The following LARP1B variants were observed in gnomAD, a reference collection of about 807,000 sequenced individuals.
LARP1B encodes the protein La ribonucleoprotein 1B, also known as la-related protein 1B.
LARP1B carries 76 observed loss-of-function variants against 114.2 expected under a neutral mutation model. The observed-to-expected ratio is 0.67, with a 90% confidence interval of 0.55 to 0.81. The LOEUF (loss-of-function observed/expected upper bound fraction) is 0.81. LARP1B is among the 30% of genes least tolerant of loss of function. The pLI, the probability that LARP1B is intolerant of heterozygous loss-of-function variation, is 0.00. For missense variants in LARP1B, 1,014 were observed against 1,075.8 expected (o/e 0.94, Z 0.80); for synonymous variants, 345 against 348.0 (o/e 0.99, Z 0.10).
intron 1 of LARP1B, among the ~76,000 whole-genome samples, chr4:128,065,940 C>G (rs540871217): frequency 7.8e-4 from 119 of 152,080 alleles, no homozygotes; most frequent in African/African-American, 2.6e-3. Context: ...CTTGGCATCC[C>G]AAGTAGTTGG....
At position 128,210,368 on chromosome 4, in the gene LARP1B, C is replaced by G; in HGVS notation, c.*315C>G. The G allele has an allele frequency of 1.8e-6, 2 of 1,105,296 alleles. No homozygotes were observed. Among genetic ancestry groups the G allele is most frequent in the Non-Finnish European group, 2.2e-6 (2 of 904,154 alleles). The allele number at this position is 1,105,296 out of a possible 1,614,324, so 68.5% of individuals were successfully genotyped here. On this transcript the variant is annotated 3_prime_UTR_variant, in exon 20 of 20. Coordinates refer to ENST00000326639, the MANE Select transcript of LARP1B (RefSeq NM_018078.4). ...TTTCAAAGCCATGGTTTTACAAAAACAGCATTCCTTAAATATATTTAAAAA... is the reference window on the plus strand; with the variant it reads ...TTTCAAAGCCATGGTTTTACAAAAAGAGCATTCCTTAAATATATTTAAAAA...
chr4:128,087,029 C>T (rs1773869278), intron 5 of LARP1B, among the ~76,000 whole-genome samples: 2 of 152,134 alleles, frequency 1.3e-5, no homozygotes, highest in South Asian at 2.1e-4. Flanking sequence ...GCTGGGTTCT[C>T]CTGCCTCAGC....
At chr4:128,103,855 C>T (rs1781178441) in intron 8 of LARP1B, among the ~76,000 whole-genome samples, 1 of 151,962 alleles carries the variant, frequency 6.6e-6, no homozygotes, top group Admixed American at 6.6e-5. Flanking sequence ...AGCCACCATG[C>T]CTGGCCTCCT....
At chr4:128,185,115 G>A (rs1749863043) in intron 15 of LARP1B, among the ~76,000 whole-genome samples, 1 of 152,136 alleles carries the variant, frequency 6.6e-6, no homozygotes, top group Non-Finnish European at 1.5e-5. Context: ...CTTGGCTATA[G>A]TGAATAGTGC....
intron 7 of LARP1B, among the ~76,000 whole-genome samples, chr4:128,221,027 G>C (rs190039326): frequency 2.4e-4 from 37 of 152,248 alleles, no homozygotes; most frequent in Non-Finnish European, 5.0e-4. Context: ...CAACTGCAAT[G>C]ATTCTTAAGT....
intron 11 of LARP1B, among the ~76,000 whole-genome samples, chr4:128,161,939 T>A (rs902767197): frequency 1.3e-5 from 2 of 152,138 alleles, no homozygotes; most frequent in Non-Finnish European, 2.9e-5. Context: ...AACAAATAAT[T>A]AATGATTAGT....
chr4:128,200,477 A>C, intron 16 of LARP1B, 44 bp from the exon 17 acceptor site: 2 of 1,220,802 alleles, frequency 1.6e-6, no homozygotes, highest in East Asian at 5.5e-5. Context: ...CTTGTCTTTA[A>C]AAAGTATGTT....
intron 11 of LARP1B, among the ~76,000 whole-genome samples, chr4:128,131,429 T>G (rs1791543842): frequency 6.6e-6 from 1 of 152,190 alleles, no homozygotes; most frequent in African/African-American, 2.4e-5. Flanking sequence ...CTGTGTGTGT[T>G]GAAAAATATT....
rs1031622942 is a variant in LARP1B, at chr4:128,098,769, T to G, written c.813+439T>G. On this transcript the variant is annotated intron_variant, in intron 8 of 19. Coordinates refer to ENST00000326639, the MANE Select transcript of LARP1B (RefSeq NM_018078.4). ...TGTGTATATATATATATATATATAT[T>G]TTTTTTTTTTTTTTTTTTTTTTTTT... Among the ~76,000 whole-genome samples, 62 of 14,422 alleles carry G rather than the reference T, an allele frequency of 4.3e-3. 1 individual carries two copies. Among genetic ancestry groups the G allele is most frequent in the African/African-American group, 1.0e-2 (37 of 3,708 alleles). The allele number at this position is 14,422 out of a possible 152,430, so 9.5% of individuals were successfully genotyped here. A position where few individuals can be genotyped will look rare whatever the true frequency, so the allele number is the denominator to read the frequency against.
intron 1 of LARP1B, among the ~76,000 whole-genome samples, chr4:128,068,641 C>T (rs1009694153): frequency 5.9e-5 from 9 of 151,708 alleles, no homozygotes; most frequent in African/African-American, 1.9e-4. Flanking sequence ...GAATTCTTGG[C>T]GGCCTCAAAG....
At chr4:128,131,579 G>A (rs1791590917) in intron 11 of LARP1B, among the ~76,000 whole-genome samples, 1 of 152,130 alleles carries the variant, frequency 6.6e-6, no homozygotes, top group Non-Finnish European at 1.5e-5. Context: ...CTAGGCAGGT[G>A]TGGTGGTGTG....
chr4:128,068,567 A>T (rs2149321230), intron 1 of LARP1B, among the ~76,000 whole-genome samples: 1 of 152,094 alleles, frequency 6.6e-6, no homozygotes, highest in East Asian at 1.9e-4. Flanking sequence ...AGAACTCTTG[A>T]ACTCAAGCTA....
chr4:128,086,374 G>GAC (rs779427195), intron 5 of LARP1B, among the ~76,000 whole-genome samples: 1 of 152,052 alleles, frequency 6.6e-6, no homozygotes, highest in Non-Finnish European at 1.5e-5. Context: ...CTGTCTTCCA[G>GAC]GCTAAGTGCA....
intron 4 of LARP1B, among the ~76,000 whole-genome samples, chr4:128,080,435 C>T (rs553164918): frequency 1.3e-5 from 2 of 151,998 alleles, no homozygotes; most frequent in East Asian, 1.9e-4. Flanking sequence ...CAAGGAATCT[C>T]GTTGACATAA....
chr4:128,144,488 A>G (rs1428680885), intron 11 of LARP1B, among the ~76,000 whole-genome samples: 1 of 152,040 alleles, frequency 6.6e-6, no homozygotes, highest in Non-Finnish European at 1.5e-5. Flanking sequence ...ATAATATTTC[A>G]CAGGTCCTTG....
chr4:128,150,278 G>A (rs1230421835), intron 11 of LARP1B, among the ~76,000 whole-genome samples: 1 of 148,802 alleles, frequency 6.7e-6, no homozygotes, highest in Non-Finnish European at 1.5e-5. Context: ...CTCAACTATA[G>A]CTTTAATTTT....
chr4:128,083,048 T>C (rs1463291956), intron 5 of LARP1B, among the ~76,000 whole-genome samples: 1 of 152,026 alleles, frequency 6.6e-6, no homozygotes, highest in African/African-American at 2.4e-5. Context: ...CAAGCATCTG[T>C]TTAACAAAAC....
At chr4:128,143,519 GGGGT>G (rs775744211) in intron 11 of LARP1B, among the ~76,000 whole-genome samples, 89,796 of 151,790 alleles carry the variant, frequency 0.59, 27,687 homozygotes, top group Middle Eastern at 0.8. Context: ...TCAAAATGGT[GGGGT>G]GGGTGGAGCT....
intron 15 of LARP1B, among the ~76,000 whole-genome samples, chr4:128,196,622 TCTCA>T (rs1399645533): frequency 6.6e-6 from 1 of 150,778 alleles, no homozygotes; most frequent in African/African-American, 2.4e-5. Context: ...GGACACGGAG[TCTCA>T]CTCTGTCGCC....
Sources: allele counts gnomAD v4.1 joint callset (sites outside exome capture counted in the v4.1 genomes callset), GRCh38; gene constraint gnomAD v4.1.1; transcripts MANE v1.5; gene names NCBI Gene and HGNC (gene_info 2026-07-23, HGNC 2026-07-21).